DMD: variants seen among roughly 807,000 people sequenced by gnomAD.
DMD encodes the protein mutant dystrophin.
Under a neutral mutation model 330.1 loss-of-function variants are expected in DMD, and 63 were observed. The observed-to-expected ratio is 0.19, with a 90% CI of 0.16 to 0.24. The LOEUF is 0.24. Among genes scored for constraint, DMD ranks in the 10% least tolerant of loss-of-function variants. The probability of loss-of-function intolerance (pLI) is 1.00; values close to 1 mark genes in which losing one functional copy is unlikely to be tolerated. For synonymous variants in DMD, 1,223 were observed against 959.8 expected, an observed-to-expected ratio of 1.27 and a Z score of -5.07; for missense variants, 3,344 against 2,684.1, an observed-to-expected ratio of 1.25 and a Z score of -5.43.
intron 61 of DMD, among the ~76,000 whole-genome samples, chrX:31,324,779 C>T (rs1248993969): frequency 1.8e-5 from 2 of 111,865 alleles, no homozygotes; most frequent in Non-Finnish European, 3.8e-5. Flanking sequence ...AAATTCACTC[C>T]GCAGTGTATT....
intron 43 of DMD, among the ~76,000 whole-genome samples, chrX:32,244,782 T>C (rs2097225632): frequency 2.6e-5 from 2 of 77,906 alleles, no homozygotes; most frequent in Non-Finnish European, 4.9e-5. Context: ...TCTGTTCATG[T>C]CCTTCGCTCA....
chrX:32,658,599 T>A (rs2060740917), intron 9 of DMD, among the ~76,000 whole-genome samples: 1 of 111,413 alleles, frequency 9.0e-6, no homozygotes, highest in African/African-American at 3.3e-5. Flanking sequence ...ACATTTAAAC[T>A]AATTTCTCTG....
intron 44 of DMD, among the ~76,000 whole-genome samples, chrX:32,137,617 T>G (rs1397320028): frequency 9.0e-6 from 1 of 110,554 alleles, no homozygotes; most frequent in East Asian, 2.8e-4. Context: ...AAAGTATAGT[T>G]TTTTTTTTCA....
In DMD at chrX:32,016,616, C is replaced by G. The variant is rs2095762952; in HGVS notation, c.6439-48102G>C. ...AGCACCAATCCCACCATCTGCTATA[C>G]TTGCTAGTGTTTCCAAGATACTTCT... On this transcript the variant is annotated intron_variant, in intron 44 of 78. Transcript: ENST00000357033. Among the ~76,000 whole-genome samples, 5 of 112,508 alleles carry G rather than the reference C, an allele frequency of 4.4e-5. No individual in the cohort carries two copies. The South Asian group carries it at 1.8e-3, about 41-fold the overall frequency.
chrX:31,967,768 A>G lies in DMD; in HGVS notation c.6614+571T>C, dbSNP rs2095364934. ...ACGCATTTGGCTTTCTGTGCCTTCA[A>G]TACATTCCAAGGGAAATTTAAATGA... On this transcript the variant is annotated intron_variant, in intron 45 of 78. Transcript: ENST00000357033. Among the ~76,000 whole-genome samples, 4 of 111,672 alleles carry G rather than the reference A, an allele frequency of 3.6e-5. No homozygotes were observed. In the Admixed American group the frequency reaches 3.8e-4, roughly 11 times the overall value.
intron 47 of DMD, among the ~76,000 whole-genome samples, chrX:31,889,398 T>G (rs2094201532): frequency 9.0e-6 from 1 of 110,605 alleles, no homozygotes; most frequent in South Asian, 3.8e-4. Context: ...TAACAAGCCC[T>G]TTAATGGCTC....
chrX:32,738,094 T>C (rs994602849), intron 7 of DMD, among the ~76,000 whole-genome samples: 4 of 111,238 alleles, frequency 3.6e-5, no homozygotes, highest in Admixed American at 1.9e-4. Context: ...TCAAGTGAAA[T>C]ATGGGCAAAA....
At chrX:32,033,591 C>CAGAG (rs1420861037) in intron 44 of DMD, among the ~76,000 whole-genome samples, 1 of 27,328 alleles carries the variant, frequency 3.7e-5, no homozygotes, top group Non-Finnish European at 6.2e-5. Flanking sequence ...AAAAACAAGA[C>CAGAG]AGACAGACAG....
At chrX:31,237,159 T>C (rs1236503923) in intron 63 of DMD, among the ~76,000 whole-genome samples, 2 of 112,667 alleles carry the variant, frequency 1.8e-5, no homozygotes, top group Non-Finnish European at 3.8e-5. Context: ...CTGGTATGCA[T>C]GCTTTCACCT....
At chrX:32,092,204 T>C (rs2096479763) in intron 44 of DMD, among the ~76,000 whole-genome samples, 1 of 111,651 alleles carries the variant, frequency 9.0e-6, no homozygotes, top group South Asian at 3.7e-4. Flanking sequence ...AGAAGAGGCA[T>C]GGGCAACTCC....
intron 42 of DMD, among the ~76,000 whole-genome samples, chrX:32,294,409 T>C (rs1445829674): frequency 9.0e-6 from 1 of 111,594 alleles, no homozygotes; most frequent in Non-Finnish European, 1.9e-5. Flanking sequence ...ATGGCTTTGA[T>C]ATGGTATGCG....
chrX:32,810,771 G>A (rs2077311349), intron 6 of DMD, among the ~76,000 whole-genome samples: 2 of 111,191 alleles, frequency 1.8e-5, no homozygotes, highest in Admixed American at 9.7e-5. Flanking sequence ...CATCATATCC[G>A]TCTTCTCAAA....
At chrX:32,902,796 A>G (rs891624505) in intron 2 of DMD, among the ~76,000 whole-genome samples, 7 of 110,970 alleles carry the variant, frequency 6.3e-5, no homozygotes, top group Non-Finnish European at 1.1e-4. Flanking sequence ...AAACAGCTTT[A>G]CATTATAAAT....
intron 52 of DMD, among the ~76,000 whole-genome samples, chrX:31,694,617 C>CAT (rs34933227): frequency 0.14 from 8,308 of 57,546 alleles, 580 homozygotes; most frequent in East Asian, 0.22. Flanking sequence ...TGACAAACAG[C>CAT]ATATATATAT....
At chrX:32,742,255 G>C (rs2069381966) in intron 7 of DMD, among the ~76,000 whole-genome samples, 1 of 111,753 alleles carries the variant, frequency 8.9e-6, no homozygotes, top group Admixed American at 9.6e-5. Flanking sequence ...TTTATTTTTA[G>C]GAGGAAAGAA....
intron 37 of DMD, among the ~76,000 whole-genome samples, chrX:32,350,132 T>TA (rs1490815757): frequency 9.0e-6 from 1 of 111,601 alleles, no homozygotes; most frequent in Non-Finnish European, 1.9e-5. Context: ...TATTGTGTAC[T>TA]TGGATGTCAG....
chrX:32,651,258 T>C (rs1198158482), intron 9 of DMD, among the ~76,000 whole-genome samples: 1 of 109,698 alleles, frequency 9.1e-6, no homozygotes, highest in African/African-American at 3.3e-5. Flanking sequence ...TTCTCCTGCC[T>C]CAGCCTCCCG....
intron 34 of DMD, among the ~76,000 whole-genome samples, chrX:32,365,538 G>T (rs1300817701): frequency 9.0e-6 from 1 of 111,073 alleles, no homozygotes; most frequent in African/African-American, 3.3e-5. Context: ...ATAAGAAACT[G>T]CCCTTAGAAA....
chrX:31,733,019 G>C (rs2086624093), intron 51 of DMD, among the ~76,000 whole-genome samples: 1 of 111,288 alleles, frequency 9.0e-6, no homozygotes, highest in East Asian at 2.8e-4. Context: ...GAGAAGGAAG[G>C]AATCAATGCT....
Sources: gnomAD v4.1 joint callset for allele counts (sites outside exome capture counted in the v4.1 genomes callset) on GRCh38, gnomAD v4.1.1 for gene constraint, MANE v1.5 for transcripts, NCBI Gene and HGNC (gene_info 2026-07-23, HGNC 2026-07-21) for gene names.